Variants in ARHGAP44 observed in about 807,000 individuals in gnomAD.
ARHGAP44 encodes the protein Rho GTPase activating protein 44.
A neutral mutation model predicts 106.8 loss-of-function variants in ARHGAP44; 43 were observed. The ratio of observed to expected loss-of-function variants is 0.40; its 90% confidence interval spans 0.32 to 0.52. ARHGAP44 has a LOEUF of 0.52. ARHGAP44 is among the 20% of genes least tolerant of loss of function. The pLI is 0.48. For missense variants in ARHGAP44, 866 were observed against 1,050.5 expected, an observed-to-expected ratio of 0.82 and a Z score of 2.43; for synonymous variants, 439 against 410.3, an observed-to-expected ratio of 1.07 and a Z score of -0.85.
At position 12,844,442 on chromosome 17, in the gene ARHGAP44, G is replaced by T. The variant is rs182334383; in HGVS notation, c.54-50498G>T. ...GCAATAACAACGTTAATTCGTTCAC[G>T]AGAACTCTGCCCTCATGACCCAGTC... On this transcript the variant is annotated intron_variant, in intron 1 of 20. Coordinates refer to ENST00000379672, the MANE Select transcript of ARHGAP44 (RefSeq NM_014859.6). Among the ~76,000 whole-genome samples the T allele has an allele frequency of 2.6e-3, 402 of 152,292 alleles. 1 individual carries two copies. Among genetic ancestry groups the T allele is most frequent in the African/African-American group, 8.6e-3 (359 of 41,566 alleles).
At chr17:12,808,947 G>A (rs779840052) in intron 1 of ARHGAP44, among the ~76,000 whole-genome samples, 1 of 152,134 alleles carries the variant, frequency 6.6e-6, no homozygotes, top group Non-Finnish European at 1.5e-5. Context: ...GCTTTTAACA[G>A]CACCCAGGTT....
chr17:12,789,999 CT>C, intron 1 of ARHGAP44, 108 bp downstream of exon 1: 1 of 1,091,228 alleles, frequency 9.2e-7, no homozygotes, highest in Non-Finnish European at 1.3e-6. Flanking sequence ...TGCCTCAGTC[CT>C]TTCCCCTGCA....
intron 1 of ARHGAP44, among the ~76,000 whole-genome samples, chr17:12,831,913 A>G (rs1239007774): frequency 6.6e-6 from 1 of 152,178 alleles, no homozygotes; most frequent in Non-Finnish European, 1.5e-5. Flanking sequence ...AGAAACTGTT[A>G]ATGTTTGTTA....
intron 20 of ARHGAP44, chr17:12,986,870 G>A: frequency 2.3e-6 from 1 of 437,750 alleles, no homozygotes; most frequent in Non-Finnish European, 4.1e-6. Flanking sequence ...TGACCTTCAG[G>A]ATTCATAATG....
chr17:12,954,224 T>A (rs1469276238), intron 13 of ARHGAP44, among the ~76,000 whole-genome samples: 2 of 151,964 alleles, frequency 1.3e-5, no homozygotes, highest in African/African-American at 4.8e-5. Context: ...CGGGACAAGG[T>A]TTAGCTAGGG....
At chr17:12,849,697 T>C (rs758057973) in intron 1 of ARHGAP44, among the ~76,000 whole-genome samples, 5 of 151,004 alleles carry the variant, frequency 3.3e-5, no homozygotes, top group Non-Finnish European at 7.4e-5. Flanking sequence ...CAGATTCTGA[T>C]AATAAAGTTG....
chr17:12,953,010 C>T (rs1263976730), intron 13 of ARHGAP44, among the ~76,000 whole-genome samples: 2 of 152,040 alleles, frequency 1.3e-5, no homozygotes, highest in African/African-American at 4.8e-5. Flanking sequence ...TTGGCTAATT[C>T]AGTTAAAGGA....
chr17:12,924,618 G>GT (rs2150961083), intron 6 of ARHGAP44, among the ~76,000 whole-genome samples: 1 of 152,296 alleles, frequency 6.6e-6, no homozygotes, highest in African/African-American at 2.4e-5. Context: ...CAATGCGACT[G>GT]TATCTGGAGA....
chr17:12,958,790 G>A lies in ARHGAP44; in HGVS notation c.1416G>A (p.Met472Ile). ...HVNHNANYSS[M>I]PSPDMDPADR... Reference sequence around the variant, plus strand: ...ACCATAATGCCAACTACAGCTCAATGCCCTCCCCAGACATGGACCCTGCTG... The same window carrying A: ...ACCATAATGCCAACTACAGCTCAATACCCTCCCCAGACATGGACCCTGCTG... The change falls in exon 16 of 21, where the codon ATG (methionine) becomes ATA (isoleucine). Residue 472 changes from methionine (M) to isoleucine (I), a missense_variant. Met to Ile is a conservative substitution (Grantham distance 10). Coordinates refer to ENST00000379672, the MANE Select transcript of ARHGAP44 (RefSeq NM_014859.6). This position sits in a 1 kb window ranked among gnomAD's most constrained non-coding sequence, Gnocchi z 4.1. 6.2e-7 allele frequency: 1 copy of A among 1,612,112 alleles called. No individual in the cohort carries two copies. The highest frequency in any genetic ancestry group is 8.5e-7 in the Non-Finnish European group (1 of 1,179,672).
At chr17:12,836,423 G>C (rs931846232) in intron 1 of ARHGAP44, among the ~76,000 whole-genome samples, 4 of 151,766 alleles carry the variant, frequency 2.6e-5, no homozygotes, top group African/African-American at 9.7e-5. Context: ...TGAGGCGGGC[G>C]GATCACCTGA....
At chr17:12,877,254 A>G (rs1159119057) in intron 1 of ARHGAP44, among the ~76,000 whole-genome samples, 2 of 152,178 alleles carry the variant, frequency 1.3e-5, no homozygotes, top group Non-Finnish European at 2.9e-5. Context: ...TTGAAAACGA[A>G]CACCATCATC....
rs538256351 is a variant in ARHGAP44 at position 12,944,298 on chromosome 17, C to G, written c.861+102C>G. On this transcript the variant is annotated intron_variant, in intron 10 of 20. Coordinates refer to ENST00000379672, the MANE Select transcript of ARHGAP44 (RefSeq NM_014859.6). ...CCTGTACCATCTCCACTCCGGCCCC[C>G]ACGAATCCAAATGGCTTAAGACAGT... 116 of 1,404,346 alleles carry G rather than the reference C, an allele frequency of 8.3e-5. No individual in the cohort carries two copies. The Middle Eastern group carries it at 1.6e-3, about 20-fold the overall frequency. The allele number at this position is 1,404,346 out of a possible 1,614,324, so 87.0% of individuals were successfully genotyped here.
chr17:12,922,838 AC>A (rs370378103), intron 6 of ARHGAP44, among the ~76,000 whole-genome samples: 12 of 152,134 alleles, frequency 7.9e-5, no homozygotes, highest in African/African-American at 1.2e-4. Context: ...TAGCAGGAAC[AC>A]TAGACAAAGT....
Position 12,980,131 on chromosome 17 carries a change from T to A in ARHGAP44, c.1837T>A (p.Cys613Ser). 6.2e-7 allele frequency: 1 copy of A among 1,613,962 alleles called. No individual in the cohort carries two copies. The highest frequency in any genetic ancestry group is 8.5e-7 in the Non-Finnish European group (1 of 1,179,880). ...TCCAGGCTCCAGCCAGGGCACAGCC[T>A]GTGCAGGGACTCAACCAGGGGCTCA... ...GSPGSSQGTA[C>S]AGTQPGAQPG... Residue 613 changes from cysteine (C) to serine (S), a missense_variant, in exon 19 of 21, where the codon TGT becomes AGT. Transcript: ENST00000379672.
At chr17:12,824,467 C>A (rs769755732) in intron 1 of ARHGAP44, among the ~76,000 whole-genome samples, 1 of 152,070 alleles carries the variant, frequency 6.6e-6, no homozygotes, top group Non-Finnish European at 1.5e-5. Context: ...AAAATGACCT[C>A]ACACTCCCCA....
intron 1 of ARHGAP44, among the ~76,000 whole-genome samples, chr17:12,846,612 A>T (rs1254424837): frequency 6.6e-6 from 1 of 152,256 alleles, no homozygotes; most frequent in African/African-American, 2.4e-5. Context: ...GACTAGATAA[A>T]CATCTGTCAA....
At position 12,958,952 on chromosome 17, in the gene ARHGAP44, G is replaced by A; in HGVS notation, c.1523+55G>A. On this transcript the variant is annotated intron_variant, in intron 16 of 20. Coordinates refer to ENST00000379672, the MANE Select transcript of ARHGAP44 (RefSeq NM_014859.6). The surrounding 1 kb of genome is among the most constrained non-coding windows in gnomAD (Gnocchi z 4.1). The stretch of plus-strand genomic sequence containing the variant: ...GGGGATTAGGGGAGGTGGTGGGGGT[G>A]GATGGGTGACGCATAAGAAAAATAC... The A allele has an allele frequency of 6.4e-7, 1 of 1,554,510 alleles. No homozygotes were observed. The highest frequency in any genetic ancestry group is 8.7e-7 in the Non-Finnish European group (1 of 1,145,710).
intron 16 of ARHGAP44, among the ~76,000 whole-genome samples, chr17:12,967,275 T>C (rs868555840): frequency 0.09 from 11,148 of 123,468 alleles, 831 homozygotes; most frequent in African/African-American, 0.2. Context: ...TTTTTTTTTT[T>C]CCTGAGATAC....
rs866633508 is a variant in ARHGAP44, at chr17:12,837,603, G to T, written c.53+47712G>T. On this transcript the variant is annotated intron_variant, in intron 1 of 20. Transcript: ENST00000379672. Reference sequence around the variant, plus strand: ...GTCATGGGGAGGGTAACTGCATGTTGTTTTTTTTTTTTTAAATCAGGCCAC... The same window carrying T: ...GTCATGGGGAGGGTAACTGCATGTTTTTTTTTTTTTTTTAAATCAGGCCAC... Among the ~76,000 whole-genome samples, 926 of 143,960 alleles carry T rather than the reference G, an allele frequency of 6.4e-3. 16 individuals carry two copies. The highest frequency in any genetic ancestry group is 0.022 in the African/African-American group (864 of 39,512). The allele number at this position is 143,960 out of a possible 152,430, so 94.4% of individuals were successfully genotyped here.
Sources: allele counts gnomAD v4.1 joint callset (sites outside exome capture counted in the v4.1 genomes callset), GRCh38; gene constraint gnomAD v4.1.1; non-coding constraint Gnocchi (gnomAD v3.1); transcripts MANE v1.5; gene names NCBI Gene and HGNC (gene_info 2026-07-23, HGNC 2026-07-21).